TRHDE: variants seen among roughly 807,000 people sequenced by gnomAD.
TRHDE encodes the protein thyrotropin-releasing hormone-degrading ectoenzyme.
Under a neutral mutation model 125.7 loss-of-function variants are expected in TRHDE, and 72 were observed. That is an observed-to-expected ratio of 0.57 (90% CI 0.47 to 0.70). The LOEUF (loss-of-function observed/expected upper bound fraction) is 0.70. TRHDE is among the 30% of genes least tolerant of loss of function. The pLI is 0.00. For missense variants in TRHDE, 1,110 were observed against 1,327.1 expected (o/e 0.84, Z 2.54); for synonymous variants, 509 against 509.1 (o/e 1.00, Z 0.00).
intron 3 of TRHDE, among the ~76,000 whole-genome samples, chr12:72,425,475 C>T (rs377373801): frequency 6.6e-6 from 1 of 152,010 alleles, no homozygotes; most frequent in African/African-American, 2.4e-5. Context: ...CTCTATTTAG[C>T]TTAACAGTTT....
intron 3 of TRHDE, among the ~76,000 whole-genome samples, chr12:72,385,812 T>G (rs1406922147): frequency 6.6e-6 from 1 of 152,122 alleles, no homozygotes; most frequent in Non-Finnish European, 1.5e-5. Context: ...GTTTATGATG[T>G]TCAACCACTA....
upstream of TRHDE, among the ~76,000 whole-genome samples, chr12:72,269,406 G>T (rs1565677557): frequency 6.6e-6 from 1 of 152,058 alleles, no homozygotes; most frequent in African/African-American, 2.4e-5. Context: ...CTCCACTTGG[G>T]TCTGAAAAAA....
intron 6 of TRHDE, among the ~76,000 whole-genome samples, chr12:72,507,075 G>T (rs1878386284): frequency 6.6e-6 from 1 of 151,950 alleles, no homozygotes; most frequent in Non-Finnish European, 1.5e-5. Context: ...CTTCCTCTTT[G>T]CCTTCCACTG....
At chr12:72,567,179 AGTT>A (rs972753584) in intron 9 of TRHDE, among the ~76,000 whole-genome samples, 1 of 151,912 alleles carries the variant, frequency 6.6e-6, no homozygotes, top group Non-Finnish European at 1.5e-5. Flanking sequence ...AGTTTACATG[AGTT>A]GTTGTTCATG....
chr12:72,469,216 A>G (rs1876528450), intron 3 of TRHDE, among the ~76,000 whole-genome samples: 1 of 152,174 alleles, frequency 6.6e-6, no homozygotes, highest in Non-Finnish European at 1.5e-5. Flanking sequence ...TTTCCATTAT[A>G]TCCACTATCA....
At chr12:72,090,778 T>C (rs1874772340) in intron 1 of TRHDE, among the ~76,000 whole-genome samples, 1 of 152,062 alleles carries the variant, frequency 6.6e-6, no homozygotes, top group African/African-American at 2.4e-5. Context: ...CTGTTATCTC[T>C]AGAGATAACC....
At chr12:72,549,599 T>C (rs1424232678) in intron 7 of TRHDE, among the ~76,000 whole-genome samples, 3 of 151,738 alleles carry the variant, frequency 2.0e-5, no homozygotes, top group Admixed American at 1.3e-4. Context: ...TGTCATATGA[T>C]AATAATGTTA....
chr12:72,248,913 A>G (rs1224284401), intron 2 of TRHDE, among the ~76,000 whole-genome samples: 1 of 152,180 alleles, frequency 6.6e-6, no homozygotes, highest in African/African-American at 2.4e-5. Context: ...TATTTATTAC[A>G]TTGTTGGTAA....
chr12:72,267,792 G>A (rs1879101057), upstream of TRHDE, among the ~76,000 whole-genome samples: 1 of 152,028 alleles, frequency 6.6e-6, no homozygotes, highest in African/African-American at 2.4e-5. Context: ...AAATACACAA[G>A]TCAGACAACT....
chr12:72,293,170 TG>T (rs1317733506), intron 2 of TRHDE, among the ~76,000 whole-genome samples: 1 of 152,096 alleles, frequency 6.6e-6, no homozygotes, highest in East Asian at 1.9e-4. Context: ...ATTAATAGCA[TG>T]GTGGTCTAAT....
chr12:72,233,905 C>T (rs1379895073), intron 2 of TRHDE, among the ~76,000 whole-genome samples: 1 of 152,120 alleles, frequency 6.6e-6, no homozygotes, highest in Non-Finnish European at 1.5e-5. Context: ...CCTAATTTTT[C>T]AATCACCTAG....
intron 6 of TRHDE, among the ~76,000 whole-genome samples, chr12:72,508,416 C>A (rs1287524977): frequency 3.9e-5 from 6 of 152,208 alleles, no homozygotes. Context: ...GGATGTAAGA[C>A]ATGGAGTCAA....
intron 10 of TRHDE, among the ~76,000 whole-genome samples, chr12:72,573,079 A>G (rs1414781178): frequency 6.6e-6 from 1 of 151,964 alleles, no homozygotes; most frequent in African/African-American, 2.4e-5. Context: ...ATTTTGTGTT[A>G]TAAAAATCTT....
intron 6 of TRHDE, among the ~76,000 whole-genome samples, chr12:72,510,734 G>A (rs1878548927): frequency 6.6e-6 from 1 of 152,128 alleles, no homozygotes; most frequent in Non-Finnish European, 1.5e-5. Flanking sequence ...AATCTGAGAA[G>A]TATAAGCACT....
intron 12 of TRHDE, among the ~76,000 whole-genome samples, chr12:72,594,074 CTT>C (rs1871816386): frequency 6.6e-6 from 1 of 152,102 alleles, no homozygotes; most frequent in African/African-American, 2.4e-5. Flanking sequence ...AGTTCTAGAT[CTT>C]TGAGGAATCT....
At chr12:72,090,610 G>C (rs899176697) in intron 1 of TRHDE, among the ~76,000 whole-genome samples, 1 of 152,226 alleles carries the variant, frequency 6.6e-6, no homozygotes, top group South Asian at 2.1e-4. Context: ...AATATGGCTT[G>C]AAATGGCTTA....
chr12:72,593,387 A>G (rs1207636535), intron 12 of TRHDE, among the ~76,000 whole-genome samples: 1 of 152,188 alleles, frequency 6.6e-6, no homozygotes, highest in Non-Finnish European at 1.5e-5. Flanking sequence ...GACTCCAAAG[A>G]TCATGTTCTT....
At chr12:72,578,824 G>C (rs928001125) in intron 12 of TRHDE, among the ~76,000 whole-genome samples, 1 of 152,062 alleles carries the variant, frequency 6.6e-6, no homozygotes, top group Non-Finnish European at 1.5e-5. Context: ...AAATTTGCCT[G>C]AATGCATTCT....
chr12:72,271,479 A>T (rs1046327786), upstream of TRHDE, among the ~76,000 whole-genome samples: 2 of 152,070 alleles, frequency 1.3e-5, no homozygotes, highest in Admixed American at 1.3e-4. Flanking sequence ...TGCGCTGAAG[A>T]TTTACAATGT....
Sources: gnomAD v4.1 joint callset for allele counts (sites outside exome capture counted in the v4.1 genomes callset) on GRCh38, gnomAD v4.1.1 for gene constraint, MANE v1.5 for transcripts, NCBI Gene and HGNC (gene_info 2026-07-23, HGNC 2026-07-21) for gene names.